RGL1: variants seen among roughly 807,000 people sequenced by gnomAD.
RGL1 encodes the protein ral guanine nucleotide dissociation stimulator-like 1.
In RGL1, 24 loss-of-function variants were observed where a neutral mutation model predicts 95.2. That is an observed-to-expected ratio of 0.25 (90% CI 0.18 to 0.35). RGL1 has a LOEUF of 0.35. Among genes scored for constraint, RGL1 ranks in the 10% least tolerant of loss-of-function variants. The probability of loss-of-function intolerance (pLI) is 1.00; values close to 1 mark genes in which losing one functional copy is unlikely to be tolerated. For missense variants in RGL1, 715 were observed against 936.3 expected (o/e 0.76, Z 3.08); for synonymous variants, 329 against 344.9 (o/e 0.95, Z 0.51).
intron 2 of RGL1, among the ~76,000 whole-genome samples, chr1:183,820,849 G>A (rs181535945): frequency 2.2e-4 from 34 of 152,176 alleles, no homozygotes; most frequent in Non-Finnish European, 4.3e-4. Flanking sequence ...GGCTGGGCGC[G>A]GTGGCTCATG....
intron 14 of RGL1, 89 bp downstream of exon 14, chr1:183,907,190 G>T (rs1044675015): frequency 1.1e-4 from 84 of 760,412 alleles, no homozygotes; most frequent in Non-Finnish European, 2.8e-5. Context: ...CCTTGAGCCA[G>T]GGTGAAAGTG....
chr1:183,714,969 T>C (rs1164148304), intron 1 of RGL1, among the ~76,000 whole-genome samples: 1 of 152,194 alleles, frequency 6.6e-6, no homozygotes, highest in Non-Finnish European at 1.5e-5. Context: ...ATCGAGCCAT[T>C]GCCATGCTAT....
intron 2 of RGL1, among the ~76,000 whole-genome samples, chr1:183,771,920 T>G (rs1046493293): frequency 2.6e-5 from 4 of 151,872 alleles, no homozygotes; most frequent in African/African-American, 9.7e-5. Flanking sequence ...GGCTGGACGG[T>G]GAGAGGACAC....
rs186506930 is a variant in RGL1 at position 183,726,264 on chromosome 1, A to T, written c.-32-15862A>T. Among the ~76,000 whole-genome samples the T allele has an allele frequency of 4.3e-4, 65 of 152,202 alleles. 2 individuals carry two copies. The highest frequency in any genetic ancestry group is 6.8e-3 in the Middle Eastern group (2 of 294). On this transcript the variant is annotated intron_variant, in intron 1 of 18. Coordinates refer to the RGL1 transcript ENST00000304685. ...AATATAAGAGCAAATTAAACCCCAA[A>T]CTAGTAGGAAACAAATAGTAAAGAA... is the stretch of plus-strand genomic sequence containing the variant.
intron 2 of RGL1, among the ~76,000 whole-genome samples, chr1:183,831,583 G>T (rs12078236): frequency 2.6e-5 from 4 of 152,198 alleles, no homozygotes; most frequent in African/African-American, 9.7e-5. Context: ...GCTGAGAGGT[G>T]ATGATCAAGC....
At chr1:183,820,596 T>C (rs958530199) in intron 2 of RGL1, among the ~76,000 whole-genome samples, 1 of 152,104 alleles carries the variant, frequency 6.6e-6, no homozygotes, top group African/African-American at 2.4e-5. Flanking sequence ...CTCTGGAGGA[T>C]GTGGGTCCAG....
At chr1:183,695,951 G>C (rs1029589180) in intron 1 of RGL1, among the ~76,000 whole-genome samples, 1 of 152,052 alleles carries the variant, frequency 6.6e-6, no homozygotes, top group Non-Finnish European at 1.5e-5. Flanking sequence ...TAAGCCTACT[G>C]AAAATATTAT....
chr1:183,892,067 C>G lies in RGL1; in HGVS notation c.1056-10C>G, dbSNP rs1172606485. On this transcript the variant is annotated splice_polypyrimidine_tract_variant and intron_variant, in intron 8 of 17. Transcript: ENST00000360851. Reference sequence around the variant, plus strand: ...TTCATTGTTAATATTTTCTTAATCCCTTTTCATAGGGACCGAATGCTGATG... The same window carrying G: ...TTCATTGTTAATATTTTCTTAATCCGTTTTCATAGGGACCGAATGCTGATG... 3 of 1,606,616 alleles carry G rather than the reference C, an allele frequency of 1.9e-6. No homozygotes were observed. In the South Asian group the frequency reaches 3.3e-5, roughly 18 times the overall value.
intron 14 of RGL1, among the ~76,000 whole-genome samples, chr1:183,908,383 T>TA (rs1177853949): frequency 6.6e-6 from 1 of 152,138 alleles, no homozygotes; most frequent in Non-Finnish European, 1.5e-5. Flanking sequence ...CATCAGGTGA[T>TA]ATGGGTGGTA....
chr1:183,722,213 T>C (rs1315460587), intron 1 of RGL1, among the ~76,000 whole-genome samples: 1 of 150,072 alleles, frequency 6.7e-6, no homozygotes, highest in Non-Finnish European at 1.5e-5. Flanking sequence ...GAGAGAACAC[T>C]TAATAGTCTG....
At chr1:183,691,194 A>G (rs1653926705) in intron 1 of RGL1, among the ~76,000 whole-genome samples, 1 of 152,264 alleles carries the variant, frequency 6.6e-6, no homozygotes, top group East Asian at 1.9e-4. Context: ...ACTGAATAAA[A>G]TGAACATGAC....
chr1:183,650,325 T>C (rs1272454189), intron 1 of RGL1, among the ~76,000 whole-genome samples: 2 of 152,098 alleles, frequency 1.3e-5, no homozygotes. Flanking sequence ...GGGCGGATCA[T>C]GAGGTCAGGA....
chr1:183,883,760 T>G, intron 5 of RGL1, 26 bp from the exon 6 acceptor site: 1 of 1,613,168 alleles, frequency 6.2e-7, no homozygotes, highest in Non-Finnish European at 8.5e-7. Context: ...GGCGCCAAAT[T>G]ACTAATCTTT....
At chr1:183,714,747 G>A (rs575489517) in intron 1 of RGL1, among the ~76,000 whole-genome samples, 3 of 152,306 alleles carry the variant, frequency 2.0e-5, no homozygotes, top group Admixed American at 1.3e-4. Flanking sequence ...GAATGCTTAA[G>A]GCCAGAAAGA....
intron 1 of RGL1, chr1:183,647,511 A>G: frequency 8.8e-7 from 1 of 1,132,228 alleles, no homozygotes; most frequent in Non-Finnish European, 1.2e-6. Flanking sequence ...TATGTTTAAA[A>G]TAGTGTAACT....
intron 1 of RGL1, among the ~76,000 whole-genome samples, chr1:183,683,546 A>T (rs1282233015): frequency 6.6e-6 from 1 of 152,162 alleles, no homozygotes; most frequent in Middle Eastern, 3.2e-3. Context: ...TGTTAGTCTG[A>T]TGGGCTTCCC....
intron 7 of RGL1, among the ~76,000 whole-genome samples, 180 bp from the exon 8 acceptor site, chr1:183,888,292 TAA>T (rs1337308932): frequency 6.6e-6 from 1 of 152,192 alleles, no homozygotes; most frequent in African/African-American, 2.4e-5. Context: ...CCAAAATCTA[TAA>T]AGTGTTTCGA....
chr1:183,648,203 G>A, intron 1 of RGL1: 2 of 1,614,200 alleles, frequency 1.2e-6, no homozygotes, highest in Non-Finnish European at 1.7e-6. Context: ...CAGAATGCCA[G>A]ATCCCACCAC....
chr1:183,879,112 A>G (rs993899021), intron 4 of RGL1, among the ~76,000 whole-genome samples: 6 of 152,230 alleles, frequency 3.9e-5, no homozygotes, highest in Non-Finnish European at 7.3e-5. Flanking sequence ...AATTATTTCT[A>G]TGACTTTCAT....
Sources: gnomAD v4.1 joint callset for allele counts (sites outside exome capture counted in the v4.1 genomes callset) on GRCh38, gnomAD v4.1.1 for gene constraint, MANE v1.5 for transcripts, NCBI Gene and HGNC (gene_info 2026-07-23, HGNC 2026-07-21) for gene names.